LRRC4C: variants seen among roughly 807,000 people sequenced by gnomAD.
The protein encoded by LRRC4C is leucine rich repeat containing 4C.
A neutral mutation model predicts 33.6 loss-of-function variants in LRRC4C; 5 were observed. The ratio of observed to expected loss-of-function variants is 0.15; its 90% CI spans 0.08 to 0.31. The LOEUF (loss-of-function observed/expected upper bound fraction) is 0.31. LRRC4C is among the 10% of genes least tolerant of loss of function. The probability of loss-of-function intolerance (pLI) is 1.00; values close to 1 mark genes in which losing one functional copy is unlikely to be tolerated. For synonymous variants in LRRC4C, 329 were observed against 302.0 expected (o/e 1.09, Z -0.93); for missense variants, 560 against 796.7 (o/e 0.70, Z 3.58).
In LRRC4C at chr11:40,682,070, C is replaced by A. The variant is rs544357511; in HGVS notation, c.-406-33792G>T. Among the ~76,000 whole-genome samples the A allele has an allele frequency of 1.1e-4, 17 of 151,976 alleles. No individual in the cohort carries two copies. In the South Asian group the frequency reaches 2.9e-3, roughly 26 times the overall value. ...AGAAATTACTCATGTAACCAAATAC[C>A]ACCTGCACCCCAATTACTTACAGAA... On this transcript the variant is annotated intron_variant, in intron 2 of 6. Transcript: ENST00000528697.
intron 1 of LRRC4C, among the ~76,000 whole-genome samples, chr11:40,961,239 A>C (rs1000199891): frequency 6.6e-6 from 1 of 151,752 alleles, no homozygotes; most frequent in Admixed American, 6.6e-5. Flanking sequence ...TGTGACTAGA[A>C]TAGCAAATGT....
chr11:40,455,550 T>C (rs564152353), intron 3 of LRRC4C, among the ~76,000 whole-genome samples: 2 of 152,352 alleles, frequency 1.3e-5, no homozygotes, highest in East Asian at 3.9e-4. Context: ...GTGTGCTTAA[T>C]ATTCCATGCT....
chr11:40,616,663 A>G (rs1961868687), intron 3 of LRRC4C, among the ~76,000 whole-genome samples: 1 of 151,874 alleles, frequency 6.6e-6, no homozygotes. Context: ...CGCAAGGACA[A>G]AAAACCAAAC....
At chr11:40,704,847 G>A (rs1946069437) in intron 2 of LRRC4C, among the ~76,000 whole-genome samples, 1 of 151,734 alleles carries the variant, frequency 6.6e-6, no homozygotes, top group Non-Finnish European at 1.5e-5. Context: ...CTATTTTAAG[G>A]GCTGAAATGT....
At chr11:41,083,515 C>T (rs1318871977) in intron 1 of LRRC4C, among the ~76,000 whole-genome samples, 1 of 152,140 alleles carries the variant, frequency 6.6e-6, no homozygotes, top group Non-Finnish European at 1.5e-5. Context: ...ATCACAGAGA[C>T]ATCTTGCTGC....
At chr11:40,788,363 T>C (rs955055353) in intron 2 of LRRC4C, among the ~76,000 whole-genome samples, 2 of 152,172 alleles carry the variant, frequency 1.3e-5, no homozygotes, top group African/African-American at 2.4e-5. Flanking sequence ...ATCATCTGTA[T>C]AGACTCTGAT....
intron 3 of LRRC4C, among the ~76,000 whole-genome samples, chr11:40,492,519 A>G (rs1954211877): frequency 6.6e-6 from 1 of 152,154 alleles, no homozygotes; most frequent in Admixed American, 6.5e-5. Context: ...AAGCCACCTT[A>G]CACGTTATTA....
In LRRC4C at chr11:41,147,821, G is replaced by A. The variant is rs535347609; in HGVS notation, c.-495-214098C>T. On this transcript the variant is annotated intron_variant, in intron 1 of 6. Transcript: ENST00000528697. ...TGCTCAAGGTCAGGAGTGGTGGCTC[G>A]GCTCGTGTCTGTAATCCCAATACTT... Among the ~76,000 whole-genome samples the A allele has an allele frequency of 6.6e-5, 10 of 152,224 alleles. No individual in the cohort carries two copies. In the South Asian group the frequency reaches 1.7e-3, roughly 25 times the overall value.
chr11:41,168,455 C>T (rs182310548), intron 1 of LRRC4C, among the ~76,000 whole-genome samples: 1 of 152,210 alleles, frequency 6.6e-6, no homozygotes, highest in Admixed American at 6.5e-5. Context: ...CAGGGGATAC[C>T]TACTTGCAGT....
intron 2 of LRRC4C, among the ~76,000 whole-genome samples, chr11:40,677,449 C>T (rs575725248): frequency 2.6e-5 from 4 of 152,162 alleles, no homozygotes; most frequent in African/African-American, 9.6e-5. Flanking sequence ...CAATAATAGA[C>T]ACATTTAATA....
At chr11:40,679,178 T>C (rs996175672) in intron 2 of LRRC4C, among the ~76,000 whole-genome samples, 3 of 152,098 alleles carry the variant, frequency 2.0e-5, no homozygotes, top group Admixed American at 6.5e-5. Flanking sequence ...AACTTTGAAG[T>C]TGAGAGAGAT....
At chr11:40,839,074 T>C (rs542305365) in intron 2 of LRRC4C, among the ~76,000 whole-genome samples, 34 of 152,270 alleles carry the variant, frequency 2.2e-4, no homozygotes, top group African/African-American at 7.9e-4. Flanking sequence ...AATATGTTTT[T>C]CAGCATTTTT....
At chr11:40,565,338 G>C (rs1384958601) in intron 3 of LRRC4C, among the ~76,000 whole-genome samples, 2 of 152,140 alleles carry the variant, frequency 1.3e-5, no homozygotes, top group Non-Finnish European at 2.9e-5. Flanking sequence ...GCTGGTATAA[G>C]TAATCAACCA....
intron 3 of LRRC4C, among the ~76,000 whole-genome samples, chr11:40,424,698 G>T (rs145676057): frequency 9.2e-5 from 14 of 152,254 alleles, no homozygotes; most frequent in African/African-American, 3.4e-4. Flanking sequence ...AATATGGAAT[G>T]ATGTCAAGTG....
chr11:40,858,550 C>G (rs565186881), intron 2 of LRRC4C, among the ~76,000 whole-genome samples: 20 of 151,918 alleles, frequency 1.3e-4, no homozygotes, highest in African/African-American at 4.6e-4. Flanking sequence ...CAAACATTAG[C>G]TGGGCATGGT....
intron 2 of LRRC4C, among the ~76,000 whole-genome samples, chr11:40,866,714 G>A (rs1954386212): frequency 6.6e-6 from 1 of 152,042 alleles, no homozygotes; most frequent in Admixed American, 6.6e-5. Flanking sequence ...TTGACTTGCA[G>A]CATTGTTTTA....
chr11:40,651,773 T>G (rs183887661), intron 2 of LRRC4C, among the ~76,000 whole-genome samples: 1 of 152,324 alleles, frequency 6.6e-6, no homozygotes, highest in Non-Finnish European at 1.5e-5. Flanking sequence ...TTCTGTTCAA[T>G]AGTGTGGTTC....
At chr11:41,126,132 T>C (rs1942727555) in intron 1 of LRRC4C, among the ~76,000 whole-genome samples, 1 of 152,044 alleles carries the variant, frequency 6.6e-6, no homozygotes, top group African/African-American at 2.4e-5. Context: ...CAAACCACCA[T>C]GATACACATT....
At chr11:41,035,780 T>G (rs1007091647) in intron 1 of LRRC4C, among the ~76,000 whole-genome samples, 1 of 152,210 alleles carries the variant, frequency 6.6e-6, no homozygotes, top group South Asian at 2.1e-4. Flanking sequence ...AATAAATATG[T>G]AGAATTGAAT....
Sources: gnomAD v4.1 joint callset for allele counts (sites outside exome capture counted in the v4.1 genomes callset) on GRCh38, gnomAD v4.1.1 for gene constraint, MANE v1.5 for transcripts, NCBI Gene and HGNC (gene_info 2026-07-23, HGNC 2026-07-21) for gene names.